Variants in KCNIP1 observed in about 807,000 individuals in gnomAD.
KCNIP1 encodes potassium voltage-gated channel interacting protein 1.
Under a neutral mutation model 33.0 loss-of-function variants are expected in KCNIP1, and 18 were observed. The ratio of observed to expected loss-of-function variants is 0.55; its 90% confidence interval spans 0.38 to 0.81. The LOEUF is 0.81. Ranked by LOEUF, KCNIP1 falls within the 30% of genes least tolerant of loss-of-function variation. The pLI, the probability that KCNIP1 is intolerant of heterozygous loss-of-function variation, is 0.00. For missense variants in KCNIP1, 238 were observed against 271.6 expected (o/e 0.88, Z 0.87); for synonymous variants, 93 against 98.3 (o/e 0.95, Z 0.32).
At chr5:170,624,735 G>A (rs1363560800) in intron 1 of KCNIP1, among the ~76,000 whole-genome samples, 1 of 115,022 alleles carries the variant, frequency 8.7e-6, no homozygotes, top group Non-Finnish European at 1.9e-5. Context: ...GGGGAGGTGG[G>A]GGGGGAGAGG....
chr5:170,719,944 T>A (rs1213604598), intron 2 of KCNIP1, among the ~76,000 whole-genome samples: 1 of 152,164 alleles, frequency 6.6e-6, no homozygotes, highest in African/African-American at 2.4e-5. Context: ...ATGGACTCAA[T>A]ACCACCTAAC....
At chr5:170,570,046 C>G (rs1757346974) in intron 1 of KCNIP1, among the ~76,000 whole-genome samples, 1 of 152,204 alleles carries the variant, frequency 6.6e-6, no homozygotes. Flanking sequence ...CTGCAACACT[C>G]TCCTGTTTCT....
chr5:170,656,935 C>G (rs1401529915), intron 1 of KCNIP1, among the ~76,000 whole-genome samples: 2 of 152,032 alleles, frequency 1.3e-5, no homozygotes, highest in Non-Finnish European at 2.9e-5. Flanking sequence ...TTCACTCTGG[C>G]TGACCATGTG....
chr5:170,380,045 C>T (rs12515331), intron 1 of KCNIP1, among the ~76,000 whole-genome samples: 4,016 of 151,942 alleles, frequency 0.026, 116 homozygotes, highest in African/African-American at 0.067. Context: ...TGTTGGCAAG[C>T]GGGTATTTGA....
chr5:170,515,048 A>C (rs1755072673), intron 1 of KCNIP1, among the ~76,000 whole-genome samples: 1 of 152,200 alleles, frequency 6.6e-6, no homozygotes, highest in Non-Finnish European at 1.5e-5. Flanking sequence ...AGATGAGGAA[A>C]CTGAGGCTTG....
At chr5:170,453,678 GATTAC>G (rs2113082359) in intron 1 of KCNIP1, among the ~76,000 whole-genome samples, 1 of 152,316 alleles carries the variant, frequency 6.6e-6, no homozygotes, top group South Asian at 2.1e-4. Flanking sequence ...TTACTCCTGT[GATTAC>G]ATTACATCAT....
chr5:170,529,179 T>A (rs1755694621), intron 1 of KCNIP1, among the ~76,000 whole-genome samples: 1 of 152,164 alleles, frequency 6.6e-6, no homozygotes, highest in Non-Finnish European at 1.5e-5. Context: ...CAAGAACCTG[T>A]TGATTTCTCT....
rs369566666 is a variant in KCNIP1 at position 170,632,525 on chromosome 5, G to A, written c.62-86233G>A. Among the ~76,000 whole-genome samples the A allele has an allele frequency of 7.9e-5, 12 of 152,366 alleles. No homozygotes were observed. The South Asian group carries it at 1.2e-3, about 16-fold the overall frequency. The stretch of plus-strand genomic sequence containing the variant: ...GAGGCGGGAGATGAGGAGGAGCAGC[G>A]CGGCTCTGCTGCGTGGCCCTGGGCA... On this transcript the variant is annotated intron_variant, in intron 1 of 7. Transcript: ENST00000328939.
At chr5:170,393,996 C>T (rs1396645042) in intron 1 of KCNIP1, among the ~76,000 whole-genome samples, 2 of 152,180 alleles carry the variant, frequency 1.3e-5, no homozygotes. Flanking sequence ...GGGAAAGTGG[C>T]ATGATGTGGA....
At chr5:170,690,606 C>T (rs1762687849) in intron 1 of KCNIP1, among the ~76,000 whole-genome samples, 2 of 152,220 alleles carry the variant, frequency 1.3e-5, no homozygotes, top group Non-Finnish European at 2.9e-5. Flanking sequence ...TCAAGTCCAA[C>T]TCTGGGGCAC....
At chr5:170,383,344 T>C (rs703506) in intron 1 of KCNIP1, 231,919 of 576,166 alleles carry the variant, frequency 0.4, 47,787 homozygotes, top group South Asian at 0.48. Flanking sequence ...CACTATCCAC[T>C]CAGCATCAAG....
chr5:170,419,734 TA>T (rs1259204096), intron 1 of KCNIP1, among the ~76,000 whole-genome samples: 1 of 152,224 alleles, frequency 6.6e-6, no homozygotes, highest in East Asian at 1.9e-4. Context: ...AAGGTGCTGT[TA>T]ATAATTGCAT....
At chr5:170,551,466 C>A (rs1259523580) in intron 1 of KCNIP1, among the ~76,000 whole-genome samples, 1 of 152,204 alleles carries the variant, frequency 6.6e-6, no homozygotes, top group African/African-American at 2.4e-5. Context: ...CTATGCAGAC[C>A]AGAGCCCCCT....
chr5:170,374,327 A>T (rs1763930343), intron 1 of KCNIP1, among the ~76,000 whole-genome samples: 1 of 152,222 alleles, frequency 6.6e-6, no homozygotes, highest in Admixed American at 6.5e-5. Flanking sequence ...GCAAGAAGAC[A>T]CCAAGTTCCT....
intron 1 of KCNIP1, among the ~76,000 whole-genome samples, chr5:170,611,737 G>A (rs1343291106): frequency 6.6e-6 from 1 of 152,164 alleles, no homozygotes; most frequent in African/African-American, 2.4e-5. Flanking sequence ...AGGAACTTTG[G>A]AGTCAGGCCT....
intron 1 of KCNIP1, among the ~76,000 whole-genome samples, chr5:170,480,381 G>C (rs1341926838): frequency 9.2e-6 from 1 of 108,346 alleles, no homozygotes; most frequent in Non-Finnish European, 1.7e-5. Flanking sequence ...CTTAAATGTG[G>C]CCTAAGAATA....
chr5:170,670,062 C>T (rs986844086), intron 1 of KCNIP1, among the ~76,000 whole-genome samples: 8 of 152,152 alleles, frequency 5.3e-5, no homozygotes, highest in East Asian at 1.9e-4. Flanking sequence ...AATTTTTTGA[C>T]GGAGTCTGGG....
At chr5:170,440,181 T>G (rs1310710328) in intron 1 of KCNIP1, among the ~76,000 whole-genome samples, 1 of 152,182 alleles carries the variant, frequency 6.6e-6, no homozygotes, top group Non-Finnish European at 1.5e-5. Flanking sequence ...GAGAGAGGCC[T>G]CAGGGGAAAC....
intron 1 of KCNIP1, among the ~76,000 whole-genome samples, chr5:170,555,259 G>C (rs1437693838): frequency 6.6e-6 from 1 of 152,146 alleles, no homozygotes; most frequent in Admixed American, 6.6e-5. Flanking sequence ...CAGAGCGCTT[G>C]CTGCATGCAC....
Sources: gnomAD v4.1 joint callset for allele counts (sites outside exome capture counted in the v4.1 genomes callset) on GRCh38, gnomAD v4.1.1 for gene constraint, MANE v1.5 for transcripts, NCBI Gene and HGNC (gene_info 2026-07-23, HGNC 2026-07-21) for gene names.